GOLM2: variants seen among roughly 807,000 people sequenced by gnomAD.
GOLM2 encodes the protein protein GOLM2.
A neutral mutation model predicts 55.9 loss-of-function variants in GOLM2; 26 were observed. The observed-to-expected ratio is 0.47, with a 90% CI of 0.34 to 0.65. The LOEUF (loss-of-function observed/expected upper bound fraction) is 0.65. Ranked by LOEUF, GOLM2 falls within the 30% of genes least tolerant of loss-of-function variation. GOLM2 has a pLI of 0.01. For synonymous variants in GOLM2, 165 were observed against 194.6 expected, an observed-to-expected ratio of 0.85 and a Z score of 1.27; for missense variants, 486 against 531.8, an observed-to-expected ratio of 0.91 and a Z score of 0.85.
chr15:44,363,835 C>G (rs1309477778), intron 6 of GOLM2, among the ~76,000 whole-genome samples: 1 of 151,876 alleles, frequency 6.6e-6, no homozygotes, highest in Admixed American at 6.5e-5. Context: ...AAATGTGGCA[C>G]ATATACACCA....
At chr15:44,310,224 A>T (rs114662950) in intron 1 of GOLM2, among the ~76,000 whole-genome samples, 3,020 of 152,034 alleles carry the variant, frequency 0.02, 113 homozygotes, top group African/African-American at 0.068. Context: ...GGGTTTCTGC[A>T]TAGTCACAGT....
At chr15:44,352,066 AC>A (rs2079168466) in intron 6 of GOLM2, among the ~76,000 whole-genome samples, 1 of 152,216 alleles carries the variant, frequency 6.6e-6, no homozygotes, top group African/African-American at 2.4e-5. Context: ...AATGGAAAAA[AC>A]AATCCTAAAA....
At chr15:44,358,249 A>G (rs2079210888) in intron 6 of GOLM2, among the ~76,000 whole-genome samples, 1 of 152,162 alleles carries the variant, frequency 6.6e-6, no homozygotes, top group Non-Finnish European at 1.5e-5. Context: ...AGCTACTCAG[A>G]AGGCTAAGGC....
In GOLM2 at chr15:44,289,445, A is replaced by T; in HGVS notation, c.327+89A>T. The T allele has an allele frequency of 8.2e-7, 1 of 1,216,396 alleles. No individual in the cohort carries two copies. The allele number at this position is 1,216,396 out of a possible 1,614,324, so 75.4% of individuals were successfully genotyped here. On this transcript the variant is annotated intron_variant, in intron 1 of 9. Transcript: ENST00000299957. The surrounding 1 kb of genome is among the most constrained non-coding windows in gnomAD (Gnocchi z 4.8). ...ATGTTAATCCGCTAGCTGTTGTCTTATGCCTTCCAGTATTTCAGTCCTGAA... is the reference window on the plus strand; with the variant it reads ...ATGTTAATCCGCTAGCTGTTGTCTTTTGCCTTCCAGTATTTCAGTCCTGAA...
At chr15:44,304,503 A>C (rs1224613212) in intron 1 of GOLM2, among the ~76,000 whole-genome samples, 1 of 151,898 alleles carries the variant, frequency 6.6e-6, no homozygotes, top group Non-Finnish European at 1.5e-5. Flanking sequence ...CAGCCTCCCA[A>C]AGTGCTGGGA....
Position 44,380,265 on chromosome 15 carries a change from AG to A in GOLM2, c.901+479del, listed in dbSNP as rs537883422. On this transcript the variant is annotated intron_variant, in intron 7 of 9. Transcript: ENST00000299957. ...TTAAGGGAGATGATGGAAAGGAAAA[AG>A]GTCAGAGTGGAATAGGATGTTTTGG... 9.1e-3 allele frequency among the ~76,000 whole-genome samples: 1,386 copies of A among 152,306 alleles called. 26 individuals are homozygous for A. Among genetic ancestry groups the A allele is most frequent in the African/African-American group, 0.032 (1,346 of 41,564 alleles).
chr15:44,319,887 C>T (rs2078937521), intron 1 of GOLM2, among the ~76,000 whole-genome samples: 1 of 152,186 alleles, frequency 6.6e-6, no homozygotes, highest in South Asian at 2.1e-4. Flanking sequence ...CTGCACCTGG[C>T]CATTTTTGTT....
intron 8 of GOLM2, among the ~76,000 whole-genome samples, chr15:44,388,076 C>G: frequency 6.7e-6 from 1 of 150,132 alleles, no homozygotes; most frequent in East Asian, 2.0e-4. Context: ...TCAAGTGATT[C>G]TCCCACCTGG....
intron 1 of GOLM2, among the ~76,000 whole-genome samples, chr15:44,290,330 A>G (rs2078711656): frequency 6.6e-6 from 1 of 152,182 alleles, no homozygotes; most frequent in Admixed American, 6.6e-5. Context: ...CTTCTTTGGT[A>G]ATCTTCACAT....
In GOLM2 at chr15:44,398,657, C is replaced by CT. The variant is rs994381104; in HGVS notation, c.1073-4206dup. On this transcript the variant is annotated intron_variant, in intron 8 of 9. Transcript: ENST00000299957. The stretch of plus-strand genomic sequence containing the variant: ...AATGAACACAAGTGAATATAGGAGC[C>CT]TTTTTTTTTTTTTTTTTTTTTTTTG... 7.8e-3 allele frequency among the ~76,000 whole-genome samples: 844 copies of CT among 108,070 alleles called. 16 individuals are homozygous for CT. Among genetic ancestry groups the CT allele is most frequent in the Non-Finnish European group, 9.9e-3 (524 of 52,996 alleles). 70.9% of individuals were successfully genotyped at this position (108,070 alleles called of 152,430 possible). A position where few individuals can be genotyped will look rare whatever the true frequency, so the allele number is the denominator to read the frequency against.
chr15:44,367,323 C>A (rs2079292667), intron 6 of GOLM2, among the ~76,000 whole-genome samples: 1 of 150,800 alleles, frequency 6.6e-6, no homozygotes, highest in Admixed American at 6.7e-5. Context: ...CTTTGATTAT[C>A]ATTTCCCTTC....
intron 4 of GOLM2, among the ~76,000 whole-genome samples, chr15:44,333,529 G>A (rs2079036232): frequency 6.6e-6 from 1 of 152,140 alleles, no homozygotes; most frequent in South Asian, 2.1e-4. Context: ...GGATGGATTG[G>A]TGGACGAAGG....
At chr15:44,376,727 C>G (rs894527105) in intron 6 of GOLM2, among the ~76,000 whole-genome samples, 1 of 152,102 alleles carries the variant, frequency 6.6e-6, no homozygotes, top group Non-Finnish European at 1.5e-5. Context: ...TAGCATTTTT[C>G]TAGATCATCG....
chr15:44,333,153 C>T (rs1043258235), intron 4 of GOLM2, among the ~76,000 whole-genome samples: 8 of 152,248 alleles, frequency 5.3e-5, no homozygotes, highest in Middle Eastern at 3.4e-3. Context: ...AGGATGGTCT[C>T]GATCTCTTGA....
intron 6 of GOLM2, among the ~76,000 whole-genome samples, chr15:44,373,649 G>A (rs1363860913): frequency 1.3e-5 from 2 of 151,584 alleles, no homozygotes; most frequent in African/African-American, 4.9e-5. Flanking sequence ...AGCTTCTCAG[G>A]AGGTTAAGGC....
At chr15:44,313,900 A>C (rs2078890613) in intron 1 of GOLM2, among the ~76,000 whole-genome samples, 1 of 152,220 alleles carries the variant, frequency 6.6e-6, no homozygotes, top group Non-Finnish European at 1.5e-5. Flanking sequence ...TGTGCTGTTC[A>C]TTATAGCCAG....
chr15:44,310,743 G>T (rs1210272935), intron 1 of GOLM2, among the ~76,000 whole-genome samples: 20 of 150,808 alleles, frequency 1.3e-4, no homozygotes, highest in Middle Eastern at 3.5e-3. Flanking sequence ...CATAGGCCAG[G>T]CACAGTGGCT....
intron 6 of GOLM2, among the ~76,000 whole-genome samples, chr15:44,349,338 A>C (rs2079146373): frequency 6.6e-6 from 1 of 152,124 alleles, no homozygotes; most frequent in Non-Finnish European, 1.5e-5. Context: ...GAAACCAAAA[A>C]AAAGAGCAGA....
rs370282266 is a variant in GOLM2, at chr15:44,349,832, CAA to C, written c.802+11516_802+11517del. ...ATGGAATAAAATTATAAATCAATAACAAGAGGCATTTTGGGAACTATACAAAC... is the reference window on the plus strand; with the variant it reads ...ATGGAATAAAATTATAAATCAATAACGAGGCATTTTGGGAACTATACAAAC... On this transcript the variant is annotated intron_variant, in intron 6 of 9. Transcript: ENST00000299957. 2.6e-4 allele frequency among the ~76,000 whole-genome samples: 40 copies of C among 152,258 alleles called. 1 individual carries two copies. Among genetic ancestry groups the C allele is most frequent in the African/African-American group, 8.7e-4 (36 of 41,558 alleles).
Sources: gnomAD v4.1 joint callset for allele counts (sites outside exome capture counted in the v4.1 genomes callset) on GRCh38, gnomAD v4.1.1 for gene constraint, Gnocchi (gnomAD v3.1) non-coding constraint, MANE v1.5 for transcripts, NCBI Gene and HGNC (gene_info 2026-07-23, HGNC 2026-07-21) for gene names.